MTG2: variants seen among roughly 807,000 people sequenced by gnomAD.
The protein encoded by MTG2 is mitochondrial ribosome associated GTPase 2, also known as mitochondrial ribosome-associated GTPase 2.
A neutral mutation model predicts 28.6 loss-of-function variants in MTG2; 23 were observed. The ratio of observed to expected loss-of-function variants is 0.80; its 90% confidence interval spans 0.58 to 1.14. The LOEUF is 1.14. MTG2 is among the 50% of genes most tolerant of loss of function. The pLI, the probability that MTG2 is intolerant of heterozygous loss-of-function variation, is 0.00. For missense variants in MTG2, 539 were observed against 552.0 expected, an observed-to-expected ratio of 0.98 and a Z score of 0.24; for synonymous variants, 260 against 251.8, an observed-to-expected ratio of 1.03 and a Z score of -0.31.
chr20:62,197,589 T>G, intron 3 of MTG2: 1 of 382,138 alleles, frequency 2.6e-6, no homozygotes. Flanking sequence ...GAGCTGGGAG[T>G]GAAGCCTTCA....
At chr20:62,194,721 G>A (rs2058028282) in intron 2 of MTG2, among the ~76,000 whole-genome samples, 1 of 152,210 alleles carries the variant, frequency 6.6e-6, no homozygotes, top group African/African-American at 2.4e-5. Flanking sequence ...GCTGTCAGGG[G>A]CAGGGCACGT....
At chr20:62,200,562 A>C (rs909602880) in intron 6 of MTG2, 121 bp from the exon 7 acceptor site, 3 of 1,239,084 alleles carry the variant, frequency 2.4e-6, no homozygotes, top group South Asian at 1.5e-5. Flanking sequence ...AAGTGTTAGA[A>C]CTCAGGAAAT....
intron 1 of MTG2, among the ~76,000 whole-genome samples, chr20:62,192,745 C>T (rs920485688): frequency 6.6e-6 from 1 of 152,166 alleles, no homozygotes; most frequent in Non-Finnish European, 1.5e-5. Flanking sequence ...CCCCTATCGC[C>T]CCTGTCACTC....
chr20:62,188,106 G>A (rs1364394717), intron 1 of MTG2, among the ~76,000 whole-genome samples: 1 of 149,130 alleles, frequency 6.7e-6, no homozygotes, highest in East Asian at 2.0e-4. Flanking sequence ...ACTCCAGCCT[G>A]GGCGACAGTG....
At chr20:62,195,550 A>G (rs973928067) in intron 2 of MTG2, among the ~76,000 whole-genome samples, 1 of 152,184 alleles carries the variant, frequency 6.6e-6, no homozygotes, top group South Asian at 2.1e-4. Flanking sequence ...GAAATGCTGA[A>G]TTTTTGAAGT....
Position 62,201,350 on chromosome 20 carries a change from T to C in MTG2, c.*273T>C, listed in dbSNP as rs576611649. On this transcript the variant is annotated 3_prime_UTR_variant, in exon 7 of 7. Transcript: ENST00000370823. ...GCTGATTAACACCCCTAATAAGGGG[T>C]TGGGGTGCCCATAACGGGGTGGCCC... 1.0e-5 allele frequency: 5 copies of C among 482,988 alleles called. No homozygotes were observed. Among genetic ancestry groups the C allele is most frequent in the African/African-American group, 7.8e-5 (4 of 51,310 alleles). 29.9% of individuals were successfully genotyped at this position (482,988 alleles called of 1,614,324 possible).
intron 2 of MTG2, among the ~76,000 whole-genome samples, chr20:62,195,065 G>A (rs1001635995): frequency 6.6e-6 from 1 of 151,984 alleles, no homozygotes; most frequent in African/African-American, 2.4e-5. Flanking sequence ...GCGCAGTGGC[G>A]GGTGCCTGTA....
intron 1 of MTG2, among the ~76,000 whole-genome samples, chr20:62,188,012 T>C (rs373132526): frequency 1.6e-4 from 25 of 151,790 alleles, no homozygotes; most frequent in African/African-American, 5.8e-4. Context: ...GCGCCTGTAG[T>C]CCCAGCTACT....
chr20:62,192,988 A>C (rs1568785467), intron 1 of MTG2, among the ~76,000 whole-genome samples: 1 of 152,206 alleles, frequency 6.6e-6, no homozygotes, highest in Non-Finnish European at 1.5e-5. Context: ...CCCATGTTTA[A>C]TATTCTTGTG....
rs1480189930 is a variant in MTG2 at position 62,200,411 on chromosome 20, A to G, written c.827-272A>G. 3.5e-5 allele frequency: 14 copies of G among 396,518 alleles called. No individual in the cohort carries two copies. The East Asian group carries it at 5.6e-4, about 16-fold the overall frequency. 24.6% of individuals were successfully genotyped at this position (396,518 alleles called of 1,614,324 possible). The stretch of plus-strand genomic sequence containing the variant: ...TAGAAGCAGAAAGAGAAGGTATGAA[A>G]TGTACTCTACTAGATAGATCCATCG... On this transcript the variant is annotated intron_variant, in intron 6 of 6. Transcript: ENST00000370823.
At chr20:62,198,044 C>T (rs2058092262) in intron 4 of MTG2, 77 bp downstream of exon 4, 1 of 1,283,296 alleles carries the variant, frequency 7.8e-7, no homozygotes, top group African/African-American at 1.5e-5. Flanking sequence ...CCGTGTGACC[C>T]ACGGGGCCCC....
At chr20:62,198,522 G>A in intron 4 of MTG2, 112 bp from the exon 5 acceptor site, 1 of 1,188,182 alleles carries the variant, frequency 8.4e-7, no homozygotes, top group Non-Finnish European at 1.2e-6. Flanking sequence ...CAGCTGCCCG[G>A]GGCACAGTCC....
chr20:62,200,486 G>C (rs2058145964), intron 6 of MTG2, among the ~76,000 whole-genome samples, 197 bp from the exon 7 acceptor site: 1 of 152,170 alleles, frequency 6.6e-6, no homozygotes, highest in Admixed American at 6.5e-5. Flanking sequence ...TCAGGTGTCA[G>C]TTGGCCCAGT....
At position 62,198,693 on chromosome 20, in the gene MTG2, G is replaced by A; in HGVS notation, c.528G>A (p.Val176=). 1 of 1,614,144 alleles carries A rather than the reference G, an allele frequency of 6.2e-7. No homozygotes were observed. Among genetic ancestry groups the A allele is most frequent in the Non-Finnish European group, 8.5e-7 (1 of 1,180,052 alleles). The change falls in exon 5 of 7, where the codon GTG becomes GTA. Residue 176 remains valine (V), a synonymous_variant. Transcript: ENST00000370823. ...GAGTTGTGGCCGACCTGTCTTGCGT[G>A]GGAGATGAGTACATTGCCGCGCTGG... ...GGRVVADLSC[V]GDEYIAALGG...
chr20:62,184,032 T>A (rs955305197), intron 1 of MTG2, among the ~76,000 whole-genome samples: 34 of 152,338 alleles, frequency 2.2e-4, no homozygotes, highest in African/African-American at 7.7e-4. Context: ...CAGCCTCCAC[T>A]GCTTTAGATG....
intron 1 of MTG2, among the ~76,000 whole-genome samples, chr20:62,183,647 TG>T (rs1228832165): frequency 1.3e-5 from 2 of 152,162 alleles, no homozygotes; most frequent in African/African-American, 4.8e-5. Flanking sequence ...CTCGTAGCTG[TG>T]GATACCGAGG....
At chr20:62,196,695 CAAA>C (rs1020054774) in intron 3 of MTG2, among the ~76,000 whole-genome samples, 6 of 151,222 alleles carry the variant, frequency 4.0e-5, no homozygotes, top group Non-Finnish European at 8.8e-5. Context: ...AACAAACAAA[CAAA>C]AAAAACCCTG....
rs1304859664 is a variant in MTG2 at position 62,201,890 on chromosome 20, T to C, written c.*813T>C. ...GGCCATGGAACTGTCAGCGTTATTC[T>C]CAGAAGGCGGCCGTGGCATGGGCAG... is the stretch of plus-strand genomic sequence containing the variant. On this transcript the variant is annotated 3_prime_UTR_variant, in exon 7 of 7. Transcript: ENST00000370823. The C allele has an allele frequency of 6.6e-6, 1 of 152,310 alleles. No homozygotes were observed. Among genetic ancestry groups the C allele is most frequent in the Non-Finnish European group, 1.5e-5 (1 of 68,120 alleles). The allele number at this position is 152,310 out of a possible 1,614,324, so 9.4% of individuals were successfully genotyped here. A position where few individuals can be genotyped will look rare whatever the true frequency, so the allele number is the denominator to read the frequency against.
chr20:62,190,741 G>A (rs982864375), intron 1 of MTG2, among the ~76,000 whole-genome samples: 5 of 152,214 alleles, frequency 3.3e-5, no homozygotes, highest in Admixed American at 1.3e-4. Context: ...AGTTAGTAGC[G>A]GTGCAGCGGC....
Sources: gnomAD v4.1 joint callset for allele counts (sites outside exome capture counted in the v4.1 genomes callset) on GRCh38, gnomAD v4.1.1 for gene constraint, MANE v1.5 for transcripts, NCBI Gene and HGNC (gene_info 2026-07-23, HGNC 2026-07-21) for gene names.